HRH1: variants seen among roughly 807,000 people sequenced by gnomAD.
HRH1 encodes histamine receptor H1, also known as histamine H1 receptor.
In HRH1, 6 loss-of-function variants were observed where a neutral mutation model predicts 10.3. The ratio of observed to expected loss-of-function variants is 0.58; its 90% confidence interval spans 0.32 to 1.15. The LOEUF (loss-of-function observed/expected upper bound fraction) is 1.15. HRH1 is among the 50% of genes most tolerant of loss of function. The pLI is 0.05. For missense variants in HRH1, 514 were observed against 615.3 expected (o/e 0.84, Z 1.74); for synonymous variants, 242 against 236.7 (o/e 1.02, Z -0.21).
intron 1 of HRH1, among the ~76,000 whole-genome samples, chr3:11,197,983 T>C (rs967205565): frequency 1.3e-5 from 2 of 152,160 alleles, no homozygotes; most frequent in Non-Finnish European, 2.9e-5. Context: ...CGCTCGACTC[T>C]GCTTGTTGTT....
At chr3:11,208,656 C>T (rs767399709) in intron 1 of HRH1, among the ~76,000 whole-genome samples, 12 of 152,152 alleles carry the variant, frequency 7.9e-5, no homozygotes, top group East Asian at 1.9e-4. Flanking sequence ...GATTATGTAC[C>T]GTTTTGTCAT....
At position 11,149,066 on chromosome 3, in the gene HRH1, C is replaced by T. The variant is rs1296333722; in HGVS notation, c.-36+11667C>T. Among the ~76,000 whole-genome samples the T allele has an allele frequency of 2.0e-5, 3 of 152,086 alleles. No individual in the cohort carries two copies. In the East Asian group the frequency reaches 5.8e-4, roughly 29 times the overall value. On this transcript the variant is annotated intron_variant, in intron 1 of 1. Transcript: ENST00000438284. ...TTTGCATGCTCTGTGGTCAATAGCACGGTTCTCTGCCCACAGCAGGCCTCC... is the reference window on the plus strand; with the variant it reads ...TTTGCATGCTCTGTGGTCAATAGCATGGTTCTCTGCCCACAGCAGGCCTCC...
At chr3:11,209,454 G>T (rs1575013939) in intron 1 of HRH1, among the ~76,000 whole-genome samples, 1 of 152,026 alleles carries the variant, frequency 6.6e-6, no homozygotes, top group Non-Finnish European at 1.5e-5. Context: ...TCTTTTCTTT[G>T]TACCTTTAGT....
intron 1 of HRH1, among the ~76,000 whole-genome samples, chr3:11,163,932 A>G (rs893705387): frequency 5.3e-5 from 8 of 151,964 alleles, no homozygotes; most frequent in African/African-American, 1.7e-4. Context: ...ACATGTCCTT[A>G]TTGTCACCAT....
chr3:11,239,213 T>A (rs1395790212), intron 1 of HRH1, among the ~76,000 whole-genome samples: 1 of 152,248 alleles, frequency 6.6e-6, no homozygotes, highest in Non-Finnish European at 1.5e-5. Flanking sequence ...TCCTAGTCCA[T>A]GTGAAGTGGT....
At chr3:11,208,108 T>G (rs1433812241) in intron 1 of HRH1, among the ~76,000 whole-genome samples, 1 of 151,968 alleles carries the variant, frequency 6.6e-6, no homozygotes, top group Non-Finnish European at 1.5e-5. Flanking sequence ...TATTATTTCC[T>G]CAACACTTTT....
chr3:11,238,060 G>T (rs1939235432), intron 1 of HRH1, among the ~76,000 whole-genome samples: 1 of 151,886 alleles, frequency 6.6e-6, no homozygotes, highest in African/African-American at 2.4e-5. Context: ...TTGTTTGTTT[G>T]TTTGTTTTGC....
chr3:11,202,438 T>TAAA (rs58125465), intron 1 of HRH1, among the ~76,000 whole-genome samples: 8,346 of 133,398 alleles, frequency 0.063, 317 homozygotes, highest in African/African-American at 0.087. Context: ...AAATAAATAA[T>TAAA]TAATTAAAAA....
chr3:11,167,068 TG>T (rs55950915), intron 1 of HRH1, among the ~76,000 whole-genome samples: 146,262 of 146,438 alleles, frequency 1, 73,043 homozygotes, highest in Middle Eastern at 1. Flanking sequence ...TGACATCTGC[TG>T]GTCCCCTGCA....
At chr3:11,210,934 T>G (rs1410233743) in intron 1 of HRH1, among the ~76,000 whole-genome samples, 3 of 152,098 alleles carry the variant, frequency 2.0e-5, no homozygotes, top group African/African-American at 7.2e-5. Context: ...ATTCATTCAT[T>G]TATCATTGAT....
At chr3:11,198,784 A>G (rs1425506632) in intron 1 of HRH1, among the ~76,000 whole-genome samples, 4 of 151,914 alleles carry the variant, frequency 2.6e-5, no homozygotes, top group African/African-American at 9.7e-5. Context: ...TAATCTTCAT[A>G]ATAACCATAA....
intron 1 of HRH1, among the ~76,000 whole-genome samples, chr3:11,175,674 A>G (rs1421283385): frequency 1.3e-5 from 2 of 152,234 alleles, no homozygotes; most frequent in Non-Finnish European, 2.9e-5. Context: ...GGCTGCCTAC[A>G]CTGGAAGATT....
Position 11,259,841 on chromosome 3 carries a change from TG to T in HRH1, c.806del (p.Gly269ValfsTer5), listed in dbSNP as rs1939893084. The T allele has an allele frequency of 6.2e-7, 1 of 1,613,840 alleles. No individual in the cohort carries two copies. The highest frequency in any genetic ancestry group is 8.5e-7 in the Non-Finnish European group (1 of 1,179,990). On this transcript the variant is annotated frameshift_variant, in exon 2 of 2. Transcript: ENST00000431010. LOFTEE classifies it low-confidence loss of function (END_TRUNC). This position sits in a 1 kb window ranked among gnomAD's most constrained non-coding sequence, Gnocchi z 4.6. ...VLKRKPKDAG[G>X]GSVLKSPSQT... Reference sequence around the variant, plus strand: ...TGAAAAGGAAGCCAAAAGATGCTGGTGGTGGATCTGTCTTGAAGTCACCATC... The same window carrying T: ...TGAAAAGGAAGCCAAAAGATGCTGGTGTGGATCTGTCTTGAAGTCACCATC...
intron 1 of HRH1, among the ~76,000 whole-genome samples, chr3:11,240,084 T>C (rs1382478131): frequency 6.6e-6 from 1 of 152,052 alleles, no homozygotes; most frequent in East Asian, 1.9e-4. Context: ...CAGGGTTACA[T>C]AGTATAACTG....
intron 1 of HRH1, among the ~76,000 whole-genome samples, chr3:11,250,208 A>ATTTTTTTTTTTT (rs71055857): frequency 4.2e-3 from 450 of 106,808 alleles, no homozygotes; most frequent in Non-Finnish European, 6.0e-3. Flanking sequence ...CACCCGGCTA[A>ATTTTTTTTTTTT]TTTTTTTTTT....
At chr3:11,234,146 G>A (rs1455257393) in intron 1 of HRH1, 10 of 686,296 alleles carry the variant, frequency 1.5e-5, no homozygotes, top group Non-Finnish European at 2.0e-5. Flanking sequence ...GTATATTACA[G>A]TGCACAGGAC....
intron 1 of HRH1, among the ~76,000 whole-genome samples, chr3:11,190,774 C>T (rs1937519962): frequency 1.3e-5 from 2 of 152,090 alleles, no homozygotes; most frequent in South Asian, 2.1e-4. Flanking sequence ...TCGCTTGAGC[C>T]GTGAGGTTGA....
At chr3:11,143,053 C>T (rs1936325242) in intron 1 of HRH1, among the ~76,000 whole-genome samples, 1 of 152,138 alleles carries the variant, frequency 6.6e-6, no homozygotes, top group Admixed American at 6.6e-5. Flanking sequence ...CTGCAAAGAG[C>T]TGGAGGACAG....
At chr3:11,154,264 C>G (rs922219742), upstream of HRH1, among the ~76,000 whole-genome samples, 5 of 152,070 alleles carry the variant, frequency 3.3e-5, no homozygotes, top group Admixed American at 1.3e-4. This position sits in a 1 kb window ranked among gnomAD's most constrained non-coding sequence, Gnocchi z 4.4. Flanking sequence ...AGCTCCAAAC[C>G]TGGGGCGCGA....
Sources: gnomAD v4.1 joint callset for allele counts (sites outside exome capture counted in the v4.1 genomes callset) on GRCh38, gnomAD v4.1.1 for gene constraint, Gnocchi (gnomAD v3.1) non-coding constraint, MANE v1.5 for transcripts, NCBI Gene and HGNC (gene_info 2026-07-23, HGNC 2026-07-21) for gene names.